ZNF385D: variants seen among roughly 807,000 people sequenced by gnomAD.
ZNF385D encodes zinc finger protein 385D.
In ZNF385D, 15 loss-of-function variants were observed where a neutral mutation model predicts 35.8. The observed-to-expected ratio is 0.42, with a 90% CI of 0.28 to 0.64. ZNF385D has a LOEUF of 0.64. Among genes scored for constraint, ZNF385D ranks in the 30% least tolerant of loss-of-function variants. ZNF385D has a pLI of 0.23. For missense variants in ZNF385D, 474 were observed against 494.6 expected (o/e 0.96, Z 0.39); for synonymous variants, 212 against 186.8 (o/e 1.13, Z -1.10).
At chr3:22,205,057 T>A (rs917393327) in intron 2 of ZNF385D, among the ~76,000 whole-genome samples, 1 of 144,690 alleles carries the variant, frequency 6.9e-6, no homozygotes, top group Admixed American at 6.9e-5. Context: ...CCAAAAACAA[T>A]GACTTCAAGG....
At chr3:21,450,135 G>T (rs1489248807) in intron 4 of ZNF385D, among the ~76,000 whole-genome samples, 2 of 152,152 alleles carry the variant, frequency 1.3e-5, no homozygotes, top group Admixed American at 1.3e-4. Context: ...GGGCTGTCAA[G>T]GTTTTATTGA....
chr3:21,597,372 AAAAAT>A (rs1359797095), intron 2 of ZNF385D, among the ~76,000 whole-genome samples: 11 of 151,648 alleles, frequency 7.3e-5, no homozygotes, highest in African/African-American at 2.2e-4. Context: ...AAAAAAAAAG[AAAAAT>A]AAAAGAATGC....
intron 2 of ZNF385D, among the ~76,000 whole-genome samples, chr3:22,284,781 T>C (rs1465481482): frequency 3.3e-5 from 5 of 152,138 alleles, no homozygotes; most frequent in Non-Finnish European, 7.4e-5. Flanking sequence ...TTTACAATCA[T>C]AATTTAAGAA....
intron 3 of ZNF385D, among the ~76,000 whole-genome samples, chr3:22,107,657 A>G (rs1013940178): frequency 4.6e-5 from 7 of 152,126 alleles, no homozygotes; most frequent in African/African-American, 1.7e-4. Context: ...TTAAAATATT[A>G]AATAATCCTA....
At chr3:21,568,843 C>A (rs2063235108) in intron 2 of ZNF385D, among the ~76,000 whole-genome samples, 1 of 151,896 alleles carries the variant, frequency 6.6e-6, no homozygotes, top group Admixed American at 6.6e-5. Context: ...TAGTAGACAC[C>A]AAACGAAGAA....
At chr3:21,882,046 T>C (rs1356312680) in intron 3 of ZNF385D, among the ~76,000 whole-genome samples, 1 of 151,992 alleles carries the variant, frequency 6.6e-6, no homozygotes, top group Non-Finnish European at 1.5e-5. Context: ...CAACTCCTAG[T>C]GAAGATGCTT....
chr3:21,832,140 AT>A (rs1342311846), intron 3 of ZNF385D, among the ~76,000 whole-genome samples: 3 of 152,064 alleles, frequency 2.0e-5, no homozygotes, highest in Non-Finnish European at 2.9e-5. Context: ...AAATCTTTTT[AT>A]TTGTAACAAA....
At chr3:22,239,281 G>A (rs2728951) in intron 2 of ZNF385D, among the ~76,000 whole-genome samples, 131,399 of 150,764 alleles carry the variant, frequency 0.87, 57,952 homozygotes, top group East Asian at 0.98. Flanking sequence ...GGTATTGTGC[G>A]TGGTGCTTTC....
chr3:22,078,584 G>T (rs752737041), intron 3 of ZNF385D, among the ~76,000 whole-genome samples: 1 of 152,044 alleles, frequency 6.6e-6, no homozygotes, highest in Non-Finnish European at 1.5e-5. Context: ...AGGCAAGGAA[G>T]TTCAACAACA....
chr3:22,266,245 T>G (rs545676383), intron 2 of ZNF385D, among the ~76,000 whole-genome samples: 23 of 152,092 alleles, frequency 1.5e-4, no homozygotes, highest in East Asian at 1.4e-3. Context: ...TCAAGCTGCT[T>G]CTTTTTCTCT....
chr3:22,317,889 C>T (rs1385935987), intron 2 of ZNF385D, among the ~76,000 whole-genome samples: 1 of 151,970 alleles, frequency 6.6e-6, no homozygotes, highest in African/African-American at 2.4e-5. Flanking sequence ...GGTGAAACCC[C>T]ATCTCTAATG....
chr3:22,148,977 A>G (rs1282146774), intron 3 of ZNF385D, among the ~76,000 whole-genome samples: 1 of 152,132 alleles, frequency 6.6e-6, no homozygotes, highest in African/African-American at 2.4e-5. Context: ...CTTCTATCTA[A>G]TATTGCTTTT....
At chr3:21,456,521 G>A (rs1702821488) in intron 4 of ZNF385D, among the ~76,000 whole-genome samples, 3 of 152,112 alleles carry the variant, frequency 2.0e-5, no homozygotes, top group Non-Finnish European at 4.4e-5. Flanking sequence ...TCACTCATAG[G>A]TGGGAATTGA....
rs1426930745 is a variant in ZNF385D at position 22,038,022 on chromosome 3, C to T, written c.325+130795G>A. ...AATGGTGCTGGGAAAACTGGCTAGC[C>T]ATATGTAGAAAGCTGAAACTGGATC... On this transcript the variant is annotated intron_variant, in intron 3 of 5. Transcript: ENST00000494108. Among the ~76,000 whole-genome samples the T allele has an allele frequency of 5.4e-4, 82 of 151,992 alleles. 2 individuals are homozygous for T. Among genetic ancestry groups the T allele is most frequent in the Admixed American group, 5.4e-3 (82 of 15,236 alleles).
At chr3:21,582,345 T>C (rs1274985206) in intron 2 of ZNF385D, among the ~76,000 whole-genome samples, 3 of 152,142 alleles carry the variant, frequency 2.0e-5, no homozygotes, top group Admixed American at 6.5e-5. Flanking sequence ...CCAGAGCAAC[T>C]TGAAATAAAA....
chr3:22,298,271 G>A (rs1702699672), intron 2 of ZNF385D, among the ~76,000 whole-genome samples: 1 of 151,756 alleles, frequency 6.6e-6, no homozygotes, highest in African/African-American at 2.4e-5. Context: ...GTCATAAGGT[G>A]ACTTAAAGGT....
chr3:22,024,257 G>T (rs1170074817), intron 3 of ZNF385D, among the ~76,000 whole-genome samples: 3 of 152,046 alleles, frequency 2.0e-5, no homozygotes, highest in Non-Finnish European at 4.4e-5. Flanking sequence ...CTTGCAGATA[G>T]CCCATTGTGG....
intron 2 of ZNF385D, among the ~76,000 whole-genome samples, chr3:21,647,805 AATATT>A (rs2065797710): frequency 6.6e-6 from 1 of 152,210 alleles, no homozygotes; most frequent in Non-Finnish European, 1.5e-5. Flanking sequence ...TATGTGCTAT[AATATT>A]ATATGTCATC....
In ZNF385D at chr3:22,029,749, T is replaced by A. The variant is rs188165377; in HGVS notation, c.325+139068A>T. On this transcript the variant is annotated intron_variant, in intron 3 of 5. Coordinates refer to the ZNF385D transcript ENST00000494108. Reference sequence around the variant, plus strand: ...AGTATTTGGGTTGGGGATTGGTGCATTTCTAGTTGTATGAAGGGTAGTTGT... The same window carrying A: ...AGTATTTGGGTTGGGGATTGGTGCAATTCTAGTTGTATGAAGGGTAGTTGT... 6.9e-4 allele frequency among the ~76,000 whole-genome samples: 105 copies of A among 152,306 alleles called. 4 individuals carry two copies. In the East Asian group the frequency reaches 0.019, roughly 27 times the overall value.
Sources: allele counts gnomAD v4.1 joint callset (sites outside exome capture counted in the v4.1 genomes callset), GRCh38; gene constraint gnomAD v4.1.1; transcripts MANE v1.5; gene names NCBI Gene and HGNC (gene_info 2026-07-23, HGNC 2026-07-21).